Variants in KRT8 observed in about 807,000 individuals in gnomAD.
The protein encoded by KRT8 is keratin 8.
Under a neutral mutation model 43.0 loss-of-function variants are expected in KRT8, and 24 were observed. The ratio of observed to expected loss-of-function variants is 0.56; its 90% CI spans 0.40 to 0.78. The LOEUF is 0.78. Among genes scored for constraint, KRT8 ranks in the 30% least tolerant of loss-of-function variants. The pLI is 0.00. For missense variants in KRT8, 492 were observed against 638.4 expected (o/e 0.77, Z 2.47); for synonymous variants, 214 against 261.2 (o/e 0.82, Z 1.74).
intron 5 of KRT8, 54 bp from the exon 6 acceptor site, chr12:52,898,953 C>A: frequency 6.6e-7 from 1 of 1,524,822 alleles, no homozygotes; most frequent in Non-Finnish European, 9.0e-7. Flanking sequence ...TTCTCTTCTC[C>A]CGTGCTCCCA....
At chr12:52,902,671 A>G (rs1941402239) in intron 1 of KRT8, among the ~76,000 whole-genome samples, 1 of 151,952 alleles carries the variant, frequency 6.6e-6, no homozygotes, top group Non-Finnish European at 1.5e-5. Flanking sequence ...TATAGGCGTA[A>G]GCCACCGCGC....
At chr12:52,903,036 CCTT>C (rs1941413851) in intron 1 of KRT8, among the ~76,000 whole-genome samples, 1 of 152,016 alleles carries the variant, frequency 6.6e-6, no homozygotes, top group Admixed American at 6.5e-5. Flanking sequence ...ACTTGTAACT[CCTT>C]CTAAACTGGA....
intron 2 of KRT8, among the ~76,000 whole-genome samples, chr12:52,933,967 C>T (rs895331322): frequency 1.4e-4 from 21 of 151,902 alleles, no homozygotes; most frequent in East Asian, 3.9e-4. Context: ...CGGTGGCTCA[C>T]GCCTGTAATC....
chr12:52,937,954 C>T (rs1242986730), intron 2 of KRT8, among the ~76,000 whole-genome samples: 1 of 144,966 alleles, frequency 6.9e-6, no homozygotes, highest in Non-Finnish European at 1.5e-5. Flanking sequence ...GAGCCGAGAT[C>T]GTGCCATTGC....
At chr12:52,925,062 ATGT>A (rs1941963127) in intron 2 of KRT8, among the ~76,000 whole-genome samples, 1 of 152,146 alleles carries the variant, frequency 6.6e-6, no homozygotes, top group Admixed American at 6.5e-5. Flanking sequence ...CAAGAAAAAG[ATGT>A]TGTATAGACC....
At chr12:52,905,113 G>C (rs879034751), upstream of KRT8, 67 of 1,447,612 alleles carry the variant, frequency 4.6e-5, 1 homozygote, top group South Asian at 5.1e-4. Flanking sequence ...CCGGGGGATG[G>C]GGGGGAAAGG....
intron 2 of KRT8, among the ~76,000 whole-genome samples, chr12:52,925,926 G>A (rs897560781): frequency 3.9e-5 from 6 of 152,074 alleles, no homozygotes; most frequent in African/African-American, 1.2e-4. Context: ...CCAGGTAGGG[G>A]AGGAAGGAGG....
chr12:52,949,107 G>T, intron 2 of KRT8: 1 of 1,360,128 alleles, frequency 7.4e-7, no homozygotes, highest in South Asian at 1.2e-5. Flanking sequence ...CGGGTCGCGC[G>T]GCTCGCGCAG....
At chr12:52,910,731 T>C (rs74805158), upstream of KRT8, among the ~76,000 whole-genome samples, 3,517 of 152,270 alleles carry the variant, frequency 0.023, 71 homozygotes, top group Admixed American at 0.051. Flanking sequence ...AGGAAGGACC[T>C]GGGGCTCCGC....
At chr12:52,935,023 A>G (rs1353955723) in intron 2 of KRT8, among the ~76,000 whole-genome samples, 1 of 151,598 alleles carries the variant, frequency 6.6e-6, no homozygotes, top group Non-Finnish European at 1.5e-5. Flanking sequence ...GGAAGACCCC[A>G]TCTCTACTCA....
intron 4 of KRT8, 76 bp from the exon 5 acceptor site, chr12:52,900,141 T>G: frequency 6.7e-7 from 1 of 1,486,028 alleles, no homozygotes; most frequent in Non-Finnish European, 9.2e-7. Context: ...CAGCCTTTCT[T>G]AGGGTATAAG....
At chr12:52,947,022 C>G (rs1366472465) in intron 2 of KRT8, 1 of 152,700 alleles carries the variant, frequency 6.5e-6, no homozygotes, top group Non-Finnish European at 1.5e-5. Context: ...ATTTGTCCTC[C>G]CCTTCCCCCT....
intron 2 of KRT8, among the ~76,000 whole-genome samples, chr12:52,912,237 C>T (rs886609694): frequency 2.6e-5 from 4 of 152,136 alleles, no homozygotes; most frequent in Non-Finnish European, 4.4e-5. Flanking sequence ...CAGGAGGACT[C>T]CTGCAGTGGG....
At chr12:52,944,230 G>C (rs1942310406) in intron 2 of KRT8, among the ~76,000 whole-genome samples, 1 of 152,174 alleles carries the variant, frequency 6.6e-6, no homozygotes, top group Admixed American at 6.5e-5. Context: ...AGATCACTAA[G>C]CCAGCAGTGG....
At chr12:52,912,764 A>G (rs956010496) in intron 2 of KRT8, among the ~76,000 whole-genome samples, 1 of 152,164 alleles carries the variant, frequency 6.6e-6, no homozygotes, top group Non-Finnish European at 1.5e-5. Context: ...TGAAATGATA[A>G]TTCGTGTGTG....
chr12:52,919,569 T>C (rs1027788655), intron 2 of KRT8, among the ~76,000 whole-genome samples: 1 of 151,772 alleles, frequency 6.6e-6, no homozygotes, highest in African/African-American at 2.4e-5. Context: ...TGCCCAGCCA[T>C]GGCTTTCATT....
chr12:52,900,738 A>C, intron 3 of KRT8, 55 bp from the exon 4 acceptor site: 1 of 1,252,102 alleles, frequency 8.0e-7, no homozygotes, highest in Non-Finnish European at 1.2e-6. Flanking sequence ...AACCCCAACC[A>C]AGGGGCTCCC....
chr12:52,933,565 T>G (rs1942118114), intron 2 of KRT8, among the ~76,000 whole-genome samples: 1 of 152,200 alleles, frequency 6.6e-6, no homozygotes, highest in South Asian at 2.1e-4. Context: ...AAACCGATTC[T>G]AATAATGTAG....
intron 2 of KRT8, among the ~76,000 whole-genome samples, chr12:52,929,494 G>A (rs916183652): frequency 1.3e-5 from 2 of 152,030 alleles, no homozygotes; most frequent in Non-Finnish European, 2.9e-5. Flanking sequence ...TCGTCCAACC[G>A]CCTTTCTTAA....
Sources: gnomAD v4.1 joint callset for allele counts (sites outside exome capture counted in the v4.1 genomes callset) on GRCh38, gnomAD v4.1.1 for gene constraint, MANE v1.5 for transcripts, NCBI Gene and HGNC (gene_info 2026-07-23, HGNC 2026-07-21) for gene names.